Variants in MAP3K13 observed in about 807,000 individuals in gnomAD.
The protein encoded by MAP3K13 is leucine zipper-bearing kinase.
A neutral mutation model predicts 104.0 loss-of-function variants in MAP3K13; 52 were observed. The observed-to-expected ratio is 0.50, with a 90% CI of 0.40 to 0.63. MAP3K13 has a LOEUF of 0.63. Among genes scored for constraint, MAP3K13 ranks in the 20% least tolerant of loss-of-function variants. The probability of loss-of-function intolerance (pLI) is 0.00; values close to 1 mark genes in which losing one functional copy is unlikely to be tolerated. For missense variants in MAP3K13, 914 were observed against 1,218.5 expected, an observed-to-expected ratio of 0.75 and a Z score of 3.72; for synonymous variants, 394 against 442.2, an observed-to-expected ratio of 0.89 and a Z score of 1.37.
intron 5 of MAP3K13, among the ~76,000 whole-genome samples, chr3:185,449,300 G>A (rs921408967): frequency 1.3e-5 from 2 of 150,462 alleles, no homozygotes; most frequent in Non-Finnish European, 1.5e-5. Flanking sequence ...TTGAACCCAG[G>A]AGGTGGAGGT....
In MAP3K13 at chr3:185,392,819, C is replaced by A. The variant is rs139833542; in HGVS notation, c.-86+29451C>A. Among the ~76,000 whole-genome samples, 99 of 152,142 alleles carry A rather than the reference C, an allele frequency of 6.5e-4. 1 individual carries two copies. In the East Asian group the frequency reaches 0.014, roughly 21 times the overall value. Reference sequence around the variant, plus strand: ...ATCCCAGCACTTTGGGAGCCTGAGGCAGACAGATCACCTGAGGTCAGGAGT... The same window carrying A: ...ATCCCAGCACTTTGGGAGCCTGAGGAAGACAGATCACCTGAGGTCAGGAGT... On this transcript the variant is annotated intron_variant, in intron 1 of 13. Coordinates refer to ENST00000265026, the MANE Select transcript of MAP3K13 (RefSeq NM_004721.5).
At chr3:185,451,756 A>G (rs1362001702) in intron 7 of MAP3K13, among the ~76,000 whole-genome samples, 1 of 151,494 alleles carries the variant, frequency 6.6e-6, no homozygotes, top group Non-Finnish European at 1.5e-5. Flanking sequence ...AATCCCACCT[A>G]CTCAGGAGGC....
upstream of MAP3K13, among the ~76,000 whole-genome samples, chr3:185,361,395 G>GT (rs796827465): frequency 0.039 from 5,491 of 141,354 alleles, 300 homozygotes; most frequent in African/African-American, 0.13. Flanking sequence ...TTCGTTTTTT[G>GT]TTTTTTTTTT....
upstream of MAP3K13, among the ~76,000 whole-genome samples, chr3:185,359,552 G>T (rs1723519690): frequency 6.6e-6 from 1 of 152,134 alleles, no homozygotes; most frequent in Non-Finnish European, 1.5e-5. Flanking sequence ...CCAGCTACCA[G>T]TATCATTTAC....
At chr3:185,318,677 A>G (rs376428992) in intron 2 of MAP3K13, among the ~76,000 whole-genome samples, 1 of 152,192 alleles carries the variant, frequency 6.6e-6, no homozygotes, top group African/African-American at 2.4e-5. Context: ...GAAAGTTTCT[A>G]TATAATTTAT....
chr3:185,390,327 C>T (rs1711967866), intron 1 of MAP3K13, among the ~76,000 whole-genome samples: 1 of 152,108 alleles, frequency 6.6e-6, no homozygotes, highest in African/African-American at 2.4e-5. Context: ...GAAACCAAAG[C>T]ACAAAGAGAG....
intron 7 of MAP3K13, among the ~76,000 whole-genome samples, chr3:185,455,080 TGAGATATATATATGAGATATATGTGA>T (rs1716373853): frequency 1.0e-4 from 11 of 110,492 alleles, no homozygotes; most frequent in African/African-American, 3.8e-4. Flanking sequence ...GAGATATATG[TGAGATATATATATGAGATATATGTGA>T]GATATATGAG....
In MAP3K13 at chr3:185,473,779, G is replaced by C. The variant is rs192113519; in HGVS notation, c.2430+18G>C. On this transcript the variant is annotated intron_variant, in intron 11 of 13. Transcript: ENST00000265026. The surrounding 1 kb of genome is among the most constrained non-coding windows in gnomAD (Gnocchi z 4.9). ...TGCAGAAGGTAAAGTGTAATGATGA[G>C]AGTGGCCTGCGTCACTGCCTTCAAA... The C allele has an allele frequency of 2.2e-5, 36 of 1,600,964 alleles. No homozygotes were observed. The East Asian group carries it at 7.4e-4, about 33-fold the overall frequency.
At chr3:185,297,884 C>T (rs1008591392) in intron 2 of MAP3K13, among the ~76,000 whole-genome samples, 2 of 152,124 alleles carry the variant, frequency 1.3e-5, no homozygotes, top group Non-Finnish European at 2.9e-5. Context: ...CTCTCTCTCT[C>T]TCTCTCTGTG....
rs112077480 is a variant in MAP3K13 at position 185,418,272 on chromosome 3, C to A, written c.-85-10225C>A. 16 of 1,589,022 alleles carry A rather than the reference C, an allele frequency of 1.0e-5. No individual in the cohort carries two copies. Among genetic ancestry groups the A allele is most frequent in the African/African-American group, 2.7e-5 (2 of 74,462 alleles). Reference sequence around the variant, plus strand: ...TCCAGGCTTTAAGTTTCTTAAGGAGCAAAACAGCTTCCTTGGTCTTCTTGT... The same window carrying A: ...TCCAGGCTTTAAGTTTCTTAAGGAGAAAAACAGCTTCCTTGGTCTTCTTGT... On this transcript the variant is annotated intron_variant, in intron 1 of 13. Transcript: ENST00000265026. This position sits in a 1 kb window ranked among gnomAD's most constrained non-coding sequence, Gnocchi z 4.5.
At chr3:185,313,491 G>A (rs931534669) in intron 2 of MAP3K13, among the ~76,000 whole-genome samples, 8 of 151,712 alleles carry the variant, frequency 5.3e-5, no homozygotes, top group Non-Finnish European at 1.0e-4. Context: ...GGATGGTCTC[G>A]ATGTCTTCAC....
intron 2 of MAP3K13, among the ~76,000 whole-genome samples, chr3:185,340,004 T>G (rs1404973627): frequency 6.6e-6 from 1 of 152,156 alleles, no homozygotes; most frequent in African/African-American, 2.4e-5. Flanking sequence ...CCTTTTTTTT[T>G]TTGTCAAAAT....
intron 1 of MAP3K13, among the ~76,000 whole-genome samples, chr3:185,403,389 A>G (rs558380999): frequency 1.3e-5 from 2 of 152,246 alleles, no homozygotes; most frequent in Non-Finnish European, 2.9e-5. Context: ...AGCATGAAGC[A>G]TAAGGCACAA....
At chr3:185,354,207 T>C (rs1428580005) in intron 2 of MAP3K13, among the ~76,000 whole-genome samples, 1 of 151,820 alleles carries the variant, frequency 6.6e-6, no homozygotes, top group African/African-American at 2.4e-5. Context: ...CATATTTGTC[T>C]CCAGGGGACT....
At chr3:185,357,315 G>T (rs1286662007) in intron 2 of MAP3K13, among the ~76,000 whole-genome samples, 1 of 151,722 alleles carries the variant, frequency 6.6e-6, no homozygotes, top group Admixed American at 6.6e-5. Context: ...GCATGTGGTG[G>T]CGGGCGCCTG....
chr3:185,454,494 A>C lies in MAP3K13; in HGVS notation c.1278+3099A>C, dbSNP rs1469714566. ...TATATGAGATATATATGATATATATACATATATATGAGATATATATGATAT... is the reference window on the plus strand; with the variant it reads ...TATATGAGATATATATGATATATATCCATATATATGAGATATATATGATAT... On this transcript the variant is annotated intron_variant, in intron 7 of 13. Coordinates refer to ENST00000265026, the MANE Select transcript of MAP3K13 (RefSeq NM_004721.5). Among the ~76,000 whole-genome samples, 49 of 102,164 alleles carry C rather than the reference A, an allele frequency of 4.8e-4. 1 individual carries two copies. Among genetic ancestry groups the C allele is most frequent in the African/African-American group, 1.9e-3 (46 of 23,630 alleles). 67.0% of individuals were successfully genotyped at this position (102,164 alleles called of 152,430 possible).
chr3:185,381,071 TCCTGCCTCAGCCTC>T (rs1380494007), intron 1 of MAP3K13, among the ~76,000 whole-genome samples: 1 of 151,872 alleles, frequency 6.6e-6, no homozygotes, highest in Non-Finnish European at 1.5e-5. Context: ...CAACTGATTC[TCCTGCCTCAGCCTC>T]CCCAGTAGCT....
Position 185,454,634 on chromosome 3 carries a change from T to TGATATAC in MAP3K13, c.1278+3239_1278+3240insGATATAC, listed in dbSNP as rs1716222565. Among the ~76,000 whole-genome samples the TGATATAC allele has an allele frequency of 3.5e-4, 9 of 25,612 alleles. No homozygotes were observed. The Admixed American group carries it at 4.7e-3, about 13-fold the overall frequency. The allele number at this position is 25,612 out of a possible 152,430, so 16.8% of individuals were successfully genotyped here. ...ATATGATATATATATGAGATATATA[T>TGATATAC]ATGAGATATATATATGATATATATA... On this transcript the variant is annotated intron_variant, in intron 7 of 13. Transcript: ENST00000265026.
At chr3:185,311,949 A>G (rs1302640664) in intron 2 of MAP3K13, among the ~76,000 whole-genome samples, 9 of 152,260 alleles carry the variant, frequency 5.9e-5, no homozygotes, top group Admixed American at 5.9e-4. Context: ...TCACGTATCA[A>G]CATAGATCAG....
Sources: gnomAD v4.1 joint callset for allele counts (sites outside exome capture counted in the v4.1 genomes callset) on GRCh38, gnomAD v4.1.1 for gene constraint, Gnocchi (gnomAD v3.1) non-coding constraint, MANE v1.5 for transcripts, NCBI Gene and HGNC (gene_info 2026-07-23, HGNC 2026-07-21) for gene names.